The following RPRD2 variants were observed in gnomAD, a reference collection of about 807,000 sequenced individuals.
The protein encoded by RPRD2 is regulation of nuclear pre-mRNA domain-containing protein 2.
RPRD2 carries 12 observed loss-of-function variants against 104.4 expected under a neutral mutation model. That is an observed-to-expected ratio of 0.11 (90% confidence interval 0.07 to 0.19). RPRD2 has a LOEUF of 0.19. Ranked by LOEUF, RPRD2 falls within the 10% of genes least tolerant of loss-of-function variation. RPRD2 has a pLI of 1.00. For missense variants in RPRD2, 1,543 were observed against 1,790.1 expected, an observed-to-expected ratio of 0.86 and a Z score of 2.49; for synonymous variants, 714 against 684.9, an observed-to-expected ratio of 1.04 and a Z score of -0.66.
At chr1:150,385,319 A>G (rs1173838727) in intron 1 of RPRD2, among the ~76,000 whole-genome samples, 2 of 150,452 alleles carry the variant, frequency 1.3e-5, no homozygotes, top group East Asian at 1.9e-4. Flanking sequence ...ACCCCCACCA[A>G]AAAAAAAATT....
intron 9 of RPRD2, 57 bp downstream of exon 9, chr1:150,460,374 CATT>C (rs1667843991): frequency 6.7e-7 from 1 of 1,484,282 alleles, no homozygotes; most frequent in Non-Finnish European, 9.2e-7. Context: ...TAAATTGAAT[CATT>C]AATCTGTTTT....
At chr1:150,418,916 G>A (rs1664563224) in intron 2 of RPRD2, among the ~76,000 whole-genome samples, 1 of 152,142 alleles carries the variant, frequency 6.6e-6, no homozygotes, top group Non-Finnish European at 1.5e-5. Flanking sequence ...GGAGGCTGAG[G>A]CAGGAGAATG....
At chr1:150,401,699 A>G (rs113304911) in intron 1 of RPRD2, among the ~76,000 whole-genome samples, 2 of 150,066 alleles carry the variant, frequency 1.3e-5, no homozygotes, top group African/African-American at 4.9e-5. Flanking sequence ...GCTGGAGTGC[A>G]GTGGCGCAAT....
chr1:150,473,491 G>GTTTTACT lies in RPRD2; in HGVS notation c.*158_*164dup, dbSNP rs934427313. 4 of 506,158 alleles carry GTTTTACT rather than the reference G, an allele frequency of 7.9e-6. No homozygotes were observed. The African/African-American group carries it at 9.0e-5, about 11-fold the overall frequency. 31.4% of individuals were successfully genotyped at this position (506,158 alleles called of 1,614,324 possible). ...AAAGTAAGAAATCACATACGCTTAC[G>GTTTTACT]TTTTACTATTCAATTCAATCCTCCC... On this transcript the variant is annotated 3_prime_UTR_variant, in exon 11 of 11. Transcript: ENST00000369068.
chr1:150,417,772 A>G, intron 2 of RPRD2, 47 bp downstream of exon 2: 1 of 1,454,356 alleles, frequency 6.9e-7, no homozygotes, highest in Non-Finnish European at 9.2e-7. Flanking sequence ...TAGACAACTT[A>G]GAATTTTAGT....
intron 1 of RPRD2, among the ~76,000 whole-genome samples, chr1:150,384,639 T>TTGTGTG (rs71086504): frequency 0.01 from 1,395 of 133,354 alleles, 23 homozygotes; most frequent in African/African-American, 0.032. Context: ...CCTGGCTAAT[T>TTGTGTG]TGTGTGTGTG....
intron 2 of RPRD2, among the ~76,000 whole-genome samples, chr1:150,440,643 C>G (rs1238620040): frequency 6.6e-6 from 1 of 152,156 alleles, no homozygotes; most frequent in African/African-American, 2.4e-5. Context: ...ACATTCCCAG[C>G]CCTCTCAAGT....
At chr1:150,379,815 C>T (rs1178596662) in intron 1 of RPRD2, among the ~76,000 whole-genome samples, 2 of 152,152 alleles carry the variant, frequency 1.3e-5, no homozygotes, top group South Asian at 2.1e-4. Context: ...GGATTACAGG[C>T]GTGAGCCAAC....
intron 1 of RPRD2, among the ~76,000 whole-genome samples, chr1:150,399,093 C>G (rs1662770781): frequency 6.6e-6 from 1 of 152,080 alleles, no homozygotes; most frequent in Admixed American, 6.6e-5. Context: ...CCTCAACCAC[C>G]TAGGCTCTAG....
At chr1:150,368,243 A>AT (rs1198597560) in intron 1 of RPRD2, among the ~76,000 whole-genome samples, 1 of 127,304 alleles carries the variant, frequency 7.9e-6, no homozygotes, top group African/African-American at 3.0e-5. Flanking sequence ...GTCTTAATAG[A>AT]TTTTTTTAAA....
chr1:150,419,481 C>T (rs916230795), intron 2 of RPRD2, among the ~76,000 whole-genome samples: 1 of 152,166 alleles, frequency 6.6e-6, no homozygotes, highest in Non-Finnish European at 1.5e-5. Context: ...TATGGTACTA[C>T]TTGAATGTAC....
intron 1 of RPRD2, among the ~76,000 whole-genome samples, chr1:150,377,220 G>GA (rs1660768338): frequency 6.6e-6 from 1 of 151,200 alleles, no homozygotes; most frequent in Admixed American, 6.6e-5. Context: ...GAAAAAAAAA[G>GA]AAAAAAAGAA....
At chr1:150,365,270 G>A (rs1553876998) in intron 1 of RPRD2, among the ~76,000 whole-genome samples, 1 of 152,188 alleles carries the variant, frequency 6.6e-6, no homozygotes, top group Non-Finnish European at 1.5e-5. Flanking sequence ...TTTCTTACAG[G>A]CCTTGACGTG....
Position 150,364,912 on chromosome 1 carries a change from C to A in RPRD2, c.198C>A (p.Leu66=). ...TCGTCTATCATTGGATGAAGTGGCTCCGGAGATGTGAGTGTTGGGGGTGAC... is the reference window on the plus strand; with the variant it reads ...TCGTCTATCATTGGATGAAGTGGCTACGGAGATGTGAGTGTTGGGGGTGAC... The part of the protein sequence containing the change: ...STIVYHWMKW[L]RRSAYPHRLN... The change falls in exon 1 of 11, where the codon CTC becomes CTA. Residue 66 remains leucine (L), a synonymous_variant. Transcript: ENST00000369068. 6.2e-7 allele frequency: 1 copy of A among 1,613,794 alleles called. No individual in the cohort carries two copies. The highest frequency in any genetic ancestry group is 8.5e-7 in the Non-Finnish European group (1 of 1,179,828).
At chr1:150,367,640 G>C (rs1659941687) in intron 1 of RPRD2, among the ~76,000 whole-genome samples, 1 of 151,740 alleles carries the variant, frequency 6.6e-6, no homozygotes, top group Non-Finnish European at 1.5e-5. Flanking sequence ...TGTGTAATGA[G>C]ACTTTTGTTC....
intron 9 of RPRD2, among the ~76,000 whole-genome samples, chr1:150,461,866 G>A (rs782283775): frequency 6.6e-6 from 1 of 152,100 alleles, no homozygotes; most frequent in Non-Finnish European, 1.5e-5. Context: ...TGTAGTCCCA[G>A]CTGCTCGGGA....
At chr1:150,394,104 G>A (rs1179872442) in intron 1 of RPRD2, among the ~76,000 whole-genome samples, 2 of 152,110 alleles carry the variant, frequency 1.3e-5, no homozygotes, top group African/African-American at 4.8e-5. Context: ...AGGCTGGAGT[G>A]CAATGGCGCG....
intron 2 of RPRD2, among the ~76,000 whole-genome samples, chr1:150,434,768 G>C (rs1251475726): frequency 1.3e-5 from 2 of 152,272 alleles, no homozygotes; most frequent in African/African-American, 4.8e-5. Context: ...AGTGAGCCAG[G>C]ATCACGCCAC....
chr1:150,389,129 C>T (rs1402163313), intron 1 of RPRD2, among the ~76,000 whole-genome samples: 3 of 152,030 alleles, frequency 2.0e-5, no homozygotes, highest in Non-Finnish European at 4.4e-5. Flanking sequence ...CTCGACCTCT[C>T]GGGTCTAAGC....
Sources: allele counts gnomAD v4.1 joint callset (sites outside exome capture counted in the v4.1 genomes callset), GRCh38; gene constraint gnomAD v4.1.1; transcripts MANE v1.5; gene names NCBI Gene and HGNC (gene_info 2026-07-23, HGNC 2026-07-21).